GLIS3: variants seen among roughly 807,000 people sequenced by gnomAD.
The protein encoded by GLIS3 is GLIS family zinc finger 3.
Under a neutral mutation model 78.6 loss-of-function variants are expected in GLIS3, and 53 were observed. The observed-to-expected ratio is 0.67, with a 90% CI of 0.54 to 0.85. The LOEUF (loss-of-function observed/expected upper bound fraction) is 0.85, where lower values mean the gene tolerates loss of function less well. Among genes scored for constraint, GLIS3 ranks in the 40% least tolerant of loss-of-function variants. GLIS3 has a pLI of 0.00. For missense variants in GLIS3, 1,703 were observed against 1,231.1 expected (o/e 1.38, Z -5.74); for synonymous variants, 684 against 509.9 (o/e 1.34, Z -4.60).
At position 3,952,134 on chromosome 9, in the gene GLIS3, C is replaced by A. The variant is rs1321024969; in HGVS notation, c.1711-14945G>T. 2.6e-5 allele frequency among the ~76,000 whole-genome samples: 4 copies of A among 152,264 alleles called. No homozygotes were observed. The East Asian group carries it at 7.7e-4, about 29-fold the overall frequency. ...TATTTACAGCTTCTGTTTGCATACT[C>A]CCTAGACTTTTGGTGTTTATTATTT... On this transcript the variant is annotated intron_variant, in intron 4 of 10. Coordinates refer to ENST00000381971, the MANE Select transcript of GLIS3 (RefSeq NM_001042413.2).
intron 1 of GLIS3, among the ~76,000 whole-genome samples, chr9:4,296,413 C>T (rs1488894787): frequency 6.6e-6 from 1 of 152,052 alleles, no homozygotes; most frequent in East Asian, 1.9e-4. Flanking sequence ...TATTATTTAA[C>T]CTCTCCTACC....
intron 4 of GLIS3, among the ~76,000 whole-genome samples, chr9:4,016,967 C>A (rs1443702821): frequency 6.6e-6 from 1 of 152,212 alleles, no homozygotes; most frequent in Admixed American, 6.5e-5. Context: ...ACAAGCCGAA[C>A]AATCACATTG....
chr9:3,987,320 G>A (rs1206693074), intron 4 of GLIS3, among the ~76,000 whole-genome samples: 1 of 151,948 alleles, frequency 6.6e-6, no homozygotes, highest in Non-Finnish European at 1.5e-5. Context: ...AGCTCCTCAG[G>A]GACTTGTGGG....
rs561308573 is a variant in GLIS3, at chr9:4,339,110, G to A, written n.264+7971C>T. Among the ~76,000 whole-genome samples the A allele has an allele frequency of 7.9e-5, 12 of 152,258 alleles. 1 individual carries two copies. In the South Asian group the frequency reaches 2.5e-3, roughly 32 times the overall value. Reference sequence around the variant, plus strand: ...ATACAACACTACCTCGATATGTTTGGGAGGATAAACTCAACACCTCAGTCA... The same window carrying A: ...ATACAACACTACCTCGATATGTTTGAGAGGATAAACTCAACACCTCAGTCA... On this transcript the variant is annotated intron_variant and non_coding_transcript_variant, in intron 2 of 4. Transcript: ENST00000471664.
At chr9:4,027,552 A>T (rs570005657) in intron 4 of GLIS3, among the ~76,000 whole-genome samples, 1 of 152,166 alleles carries the variant, frequency 6.6e-6, no homozygotes, top group Non-Finnish European at 1.5e-5. Flanking sequence ...CTGTGCATGC[A>T]TGCCAGAATA....
At chr9:4,053,169 G>A (rs968828551) in intron 4 of GLIS3, among the ~76,000 whole-genome samples, 3 of 152,052 alleles carry the variant, frequency 2.0e-5, no homozygotes, top group Non-Finnish European at 2.9e-5. Context: ...AGCTGGTCTC[G>A]AACTCTTGGC....
At chr9:4,442,008 A>G in the GLIS3 span, among the ~76,000 whole-genome samples, 1 of 152,210 alleles carries the variant, frequency 6.6e-6, no homozygotes, top group African/African-American at 2.4e-5. Flanking sequence ...GTTTTTTGGA[A>G]TAGCTTAAGA....
At chr9:4,139,630 T>C (rs1833657452) in intron 2 of GLIS3, among the ~76,000 whole-genome samples, 1 of 151,830 alleles carries the variant, frequency 6.6e-6, no homozygotes, top group South Asian at 2.1e-4. Context: ...CCCCAGGGAC[T>C]GGTTTCATGG....
the GLIS3 span, among the ~76,000 whole-genome samples, chr9:4,481,518 G>GTT: frequency 1.6e-5 from 2 of 125,626 alleles, no homozygotes; most frequent in African/African-American, 9.1e-5. Flanking sequence ...AAACATAAGT[G>GTT]TGTGTGTGTG....
chr9:4,164,385 T>A lies in GLIS3; in HGVS notation c.389-38444A>T, dbSNP rs138924053. On this transcript the variant is annotated intron_variant, in intron 2 of 10. Coordinates refer to ENST00000381971, the MANE Select transcript of GLIS3 (RefSeq NM_001042413.2). ...ATTAGCCCAAGGCTTGCTAATTAAT[T>A]GGAATTTTCCAGAGCTTTTGTTGTT... 5.7e-3 allele frequency among the ~76,000 whole-genome samples: 867 copies of A among 152,356 alleles called. 5 individuals carry two copies. The highest frequency in any genetic ancestry group is 7.7e-3 in the Non-Finnish European group (526 of 68,038).
chr9:3,917,965 A>G (rs1249257210), intron 6 of GLIS3, among the ~76,000 whole-genome samples: 1 of 152,226 alleles, frequency 6.6e-6, no homozygotes, highest in Non-Finnish European at 1.5e-5. Flanking sequence ...TATGCTTTCT[A>G]GAAGGCTAGT....
rs1329681992 is a variant in GLIS3 at position 4,313,025 on chromosome 9, G to A, written n.265-2497C>T. Among the ~76,000 whole-genome samples, 3 of 152,174 alleles carry A rather than the reference G, an allele frequency of 2.0e-5. No individual in the cohort carries two copies. The East Asian group carries it at 5.8e-4, about 29-fold the overall frequency. On this transcript the variant is annotated intron_variant and non_coding_transcript_variant, in intron 2 of 4. Coordinates refer to the GLIS3 transcript ENST00000471664. ...GCTCCTCTACTTTTTCCAGTCTTGT[G>A]GCTTCAGAGTCTGTCCTTTTAGCAC...
At chr9:4,114,783 G>T (rs918524290) in intron 4 of GLIS3, among the ~76,000 whole-genome samples, 3 of 152,050 alleles carry the variant, frequency 2.0e-5, no homozygotes, top group Non-Finnish European at 4.4e-5. Flanking sequence ...AAAGAGAGCA[G>T]CTGGTTGGGC....
rs1828247802 is a variant in GLIS3, at chr9:4,289,202, C to T, written c.-98-2679G>A. On this transcript the variant is annotated intron_variant, in intron 1 of 10. Transcript: ENST00000381971. ...TTTTCTGGACTTACAGTTTTTCATC[C>T]ATAAAAAGTTCAGGAATTTGGATCT... Among the ~76,000 whole-genome samples the T allele has an allele frequency of 2.0e-5, 3 of 152,084 alleles. 1 individual carries two copies. The South Asian group carries it at 6.2e-4, about 32-fold the overall frequency.
chr9:4,365,342 G>A, the GLIS3 span, among the ~76,000 whole-genome samples: 5 of 152,120 alleles, frequency 3.3e-5, no homozygotes, highest in African/African-American at 1.2e-4. Context: ...TGGATCATGA[G>A]GTCAGGAGTT....
chr9:4,441,420 G>T, the GLIS3 span, among the ~76,000 whole-genome samples: 1 of 152,098 alleles, frequency 6.6e-6, no homozygotes, highest in Non-Finnish European at 1.5e-5. Flanking sequence ...CCTTCATTTT[G>T]TTAATGAATC....
intron 2 of GLIS3, among the ~76,000 whole-genome samples, chr9:4,126,398 A>G (rs902073567): frequency 1.3e-5 from 2 of 152,198 alleles, no homozygotes; most frequent in African/African-American, 4.8e-5. Flanking sequence ...AAGTCCCTTC[A>G]CAAGGATGTA....
At position 4,298,491 on chromosome 9, in the gene GLIS3, G is replaced by C. The variant is rs543781821; in HGVS notation, c.-99+930C>G. ...ACTTGTCAGCTCCAGTGAGTAACTT[G>C]GAACTGTCGCTCGGGGCAAGGTGTG... On this transcript the variant is annotated intron_variant, in intron 1 of 10. Coordinates refer to ENST00000381971, the MANE Select transcript of GLIS3 (RefSeq NM_001042413.2). 4.5e-5 allele frequency: 20 copies of C among 443,142 alleles called. No individual in the cohort carries two copies. The Admixed American group carries it at 4.6e-4, about 10-fold the overall frequency. 27.5% of individuals were successfully genotyped at this position (443,142 alleles called of 1,614,324 possible).
chr9:4,096,286 G>C (rs117260591), intron 4 of GLIS3, among the ~76,000 whole-genome samples: 4 of 152,108 alleles, frequency 2.6e-5, no homozygotes, highest in East Asian at 1.9e-4. Flanking sequence ...TTGGGTGTTT[G>C]GTTCTTTTTT....
Sources: allele counts gnomAD v4.1 joint callset (sites outside exome capture counted in the v4.1 genomes callset), GRCh38; gene constraint gnomAD v4.1.1; transcripts MANE v1.5; gene names NCBI Gene and HGNC (gene_info 2026-07-23, HGNC 2026-07-21).